TBL1X: variants seen among roughly 807,000 people sequenced by gnomAD.
TBL1X encodes F-box-like/WD repeat-containing protein TBL1X.
TBL1X carries 10 observed loss-of-function variants against 50.7 expected under a neutral mutation model. The ratio of observed to expected loss-of-function variants is 0.20; its 90% CI spans 0.12 to 0.33. The LOEUF is 0.33. TBL1X is among the 10% of genes least tolerant of loss of function. The probability of loss-of-function intolerance (pLI) is 1.00; values close to 1 mark genes in which losing one functional copy is unlikely to be tolerated. For missense variants in TBL1X, 340 were observed against 504.4 expected, an observed-to-expected ratio of 0.67 and a Z score of 3.12; for synonymous variants, 190 against 214.7, an observed-to-expected ratio of 0.88 and a Z score of 1.01.
intron 2 of TBL1X, among the ~76,000 whole-genome samples, chrX:9,561,160 C>T (rs749958265): frequency 2.3e-4 from 26 of 111,610 alleles, no homozygotes; most frequent in Admixed American, 5.7e-4. Context: ...CCCCGACCCC[C>T]CACAACCACC....
At position 9,585,523 on chromosome X, in the gene TBL1X, C is replaced by T. The variant is rs753731700; in HGVS notation, c.-130-54750C>T. On this transcript the variant is annotated intron_variant, in intron 2 of 17. Transcript: ENST00000645353. ...TGGTTTTGTGGCCCTTTGGACTGGT[C>T]ACTTAATGACTGTGACCCTGGGCAA... is the stretch of plus-strand genomic sequence containing the variant. Among the ~76,000 whole-genome samples, 3 of 111,283 alleles carry T rather than the reference C, an allele frequency of 2.7e-5. No individual in the cohort carries two copies. In the East Asian group the frequency reaches 8.5e-4, roughly 32 times the overall value.
intron 1 of TBL1X, among the ~76,000 whole-genome samples, chrX:9,477,031 C>G (rs768033291): frequency 2.7e-5 from 3 of 112,147 alleles, no homozygotes; most frequent in Non-Finnish European, 5.6e-5. Flanking sequence ...TTTCTAGTTA[C>G]GTTTTGTAAT....
intron 2 of TBL1X, among the ~76,000 whole-genome samples, chrX:9,524,988 G>A (rs932262444): frequency 1.8e-4 from 20 of 111,721 alleles, no homozygotes; most frequent in African/African-American, 5.5e-4. Flanking sequence ...CTGGGCTCCA[G>A]CAATCACCTG....
At chrX:9,698,442 C>G (rs1216080350) in intron 12 of TBL1X, among the ~76,000 whole-genome samples, 1 of 111,849 alleles carries the variant, frequency 8.9e-6, no homozygotes. Flanking sequence ...CGGCCAAATC[C>G]AGAGCTTCGA....
chrX:9,650,845 C>G (rs1454615028), intron 3 of TBL1X, among the ~76,000 whole-genome samples: 1 of 111,458 alleles, frequency 9.0e-6, no homozygotes, highest in Admixed American at 9.5e-5. Context: ...GTGATTTTCT[C>G]TTTTAGCCAA....
At chrX:9,590,910 C>G (rs762470296) in intron 2 of TBL1X, among the ~76,000 whole-genome samples, 5 of 104,969 alleles carry the variant, frequency 4.8e-5, no homozygotes, top group African/African-American at 1.4e-4. Context: ...CACAGAACAG[C>G]GGGCGGACAC....
intron 2 of TBL1X, among the ~76,000 whole-genome samples, chrX:9,533,686 C>T (rs986350347): frequency 2.7e-5 from 3 of 110,785 alleles, no homozygotes; most frequent in African/African-American, 9.8e-5. Context: ...GGTGGGTATT[C>T]GTGCAGTGTT....
At chrX:9,500,010 T>C (rs1601716982) in intron 1 of TBL1X, among the ~76,000 whole-genome samples, 1 of 104,910 alleles carries the variant, frequency 9.5e-6, no homozygotes, top group Non-Finnish European at 1.9e-5. Flanking sequence ...CTTGGCTGGG[T>C]GTGGTGGCTC....
chrX:9,469,598 G>A (rs1223172123), intron 1 of TBL1X, among the ~76,000 whole-genome samples: 2 of 112,518 alleles, frequency 1.8e-5, no homozygotes, highest in African/African-American at 6.5e-5. Flanking sequence ...TTTTAGGGCT[G>A]TATCTATATA....
intron 1 of TBL1X, among the ~76,000 whole-genome samples, chrX:9,478,576 C>T (rs1304554498): frequency 9.0e-6 from 1 of 111,471 alleles, no homozygotes; most frequent in African/African-American, 3.3e-5. Context: ...GTCCCAAACT[C>T]AAAACTTGCC....
At chrX:9,592,916 G>T (rs186389981) in intron 2 of TBL1X, among the ~76,000 whole-genome samples, 2 of 111,013 alleles carry the variant, frequency 1.8e-5, no homozygotes, top group Admixed American at 9.7e-5. Flanking sequence ...CAGTGCCCAT[G>T]GGTCTGTCCA....
rs199914049 is a variant in TBL1X at position 9,716,595 on chromosome X, CA to C, written c.*358del. ...TGGAAAGAAACGTAAAAAGCTGTGCCAAAAAAAAAGCAAAATGCTGTGATAA... is the reference window on the plus strand; with the variant it reads ...TGGAAAGAAACGTAAAAAGCTGTGCCAAAAAAAAGCAAAATGCTGTGATAA... On this transcript the variant is annotated 3_prime_UTR_variant, in exon 18 of 18. Transcript: ENST00000645353. The C allele has an allele frequency of 1.6e-3, 208 of 133,467 alleles. No homozygotes were observed. The highest frequency in any genetic ancestry group is 3.2e-3 in the South Asian group (11 of 3,463). The allele number at this position is 133,467 out of a possible 1,213,427, so 11.0% of individuals were successfully genotyped here.
chrX:9,622,518 C>CA (rs1357529709), intron 2 of TBL1X, among the ~76,000 whole-genome samples: 1 of 111,442 alleles, frequency 9.0e-6, no homozygotes, highest in Admixed American at 9.5e-5. Flanking sequence ...TGCAGTGGTA[C>CA]AATTTCAGCT....
chrX:9,512,974 C>G (rs1290617380), intron 2 of TBL1X, among the ~76,000 whole-genome samples: 1 of 111,175 alleles, frequency 9.0e-6, no homozygotes, highest in Non-Finnish European at 1.9e-5. Flanking sequence ...CCTACAACCA[C>G]AGGGTGCCTG....
chrX:9,527,849 T>C (rs768993094), intron 2 of TBL1X, among the ~76,000 whole-genome samples: 1 of 111,081 alleles, frequency 9.0e-6, no homozygotes, highest in South Asian at 3.9e-4. Flanking sequence ...GCTCTGTTGC[T>C]CAGGCTGGAG....
intron 1 of TBL1X, among the ~76,000 whole-genome samples, chrX:9,489,577 C>T (rs1285034016): frequency 9.0e-6 from 1 of 111,413 alleles, no homozygotes; most frequent in East Asian, 2.8e-4. Context: ...AATGATGTGT[C>T]TCCTCATCAG....
Position 9,691,765 on chromosome X carries a change from G to A in TBL1X, c.749+54G>A, listed in dbSNP as rs933016342. 3.8e-5 allele frequency: 45 copies of A among 1,184,817 alleles called. No homozygotes were observed. The South Asian group carries it at 7.4e-4, about 19-fold the overall frequency. ...AGAGTTGGGGAGATGGGAGATGCAA[G>A]CTGCTCGCCCTTCTCTGGAGTTCTG... is the stretch of plus-strand genomic sequence containing the variant. On this transcript the variant is annotated intron_variant, in intron 8 of 17. Transcript: ENST00000645353.
At chrX:9,714,399 G>A (rs546642832) in intron 16 of TBL1X, among the ~76,000 whole-genome samples, 4 of 111,725 alleles carry the variant, frequency 3.6e-5, no homozygotes, top group East Asian at 2.8e-4. Flanking sequence ...TTAGATGGGC[G>A]AGAGATTTAT....
chrX:9,555,283 CCTAGG>C (rs887484698), intron 2 of TBL1X, among the ~76,000 whole-genome samples: 12 of 111,026 alleles, frequency 1.1e-4, no homozygotes, highest in Admixed American at 2.9e-4. Flanking sequence ...TGTTATGTTG[CCTAGG>C]CTGGTCTTTT....
Sources: allele counts gnomAD v4.1 joint callset (sites outside exome capture counted in the v4.1 genomes callset), GRCh38; gene constraint gnomAD v4.1.1; transcripts MANE v1.5; gene names NCBI Gene and HGNC (gene_info 2026-07-23, HGNC 2026-07-21).